Variants in RPIA observed in about 807,000 individuals in gnomAD.
RPIA encodes the protein ribose-5-phosphate isomerase.
In RPIA, 29 loss-of-function variants were observed where a neutral mutation model predicts 37.8. The observed-to-expected ratio is 0.77, with a 90% CI of 0.57 to 1.05. RPIA has a LOEUF of 1.05. Among genes scored for constraint, RPIA ranks in the 50% least tolerant of loss-of-function variants. RPIA has a pLI of 0.00. For missense variants in RPIA, 385 were observed against 413.6 expected, an observed-to-expected ratio of 0.93 and a Z score of 0.60; for synonymous variants, 167 against 157.0, an observed-to-expected ratio of 1.06 and a Z score of -0.48.
In RPIA at chr2:88,750,167, T is replaced by G; in HGVS notation, c.*89T>G. The stretch of plus-strand genomic sequence containing the variant: ...CTCCAGGAGCCTTTGCCTTAATGTA[T>G]CTCTGCCTGGACAACTTGTGGTGGG... On this transcript the variant is annotated 3_prime_UTR_variant, in exon 9 of 9. Transcript: ENST00000283646. 2.4e-6 allele frequency: 2 copies of G among 831,590 alleles called. No homozygotes were observed. Among genetic ancestry groups the G allele is most frequent in the Non-Finnish European group, 4.0e-6 (2 of 500,342 alleles). The allele number at this position is 831,590 out of a possible 1,614,324, so 51.5% of individuals were successfully genotyped here.
intron 4 of RPIA, 26 bp downstream of exon 4, chr2:88,729,363 C>G: frequency 6.2e-7 from 1 of 1,606,458 alleles, no homozygotes; most frequent in Non-Finnish European, 8.5e-7. Flanking sequence ...AGAGGCAGAC[C>G]ACTGCGTATT....
At chr2:88,723,017 CCT>C (rs1192301961) in intron 3 of RPIA, among the ~76,000 whole-genome samples, 1 of 151,910 alleles carries the variant, frequency 6.6e-6, no homozygotes, top group African/African-American at 2.4e-5. Flanking sequence ...TTTATTTTTC[CCT>C]CTTTTGCAGC....
At chr2:88,738,818 G>C (rs1261982073) in intron 8 of RPIA, among the ~76,000 whole-genome samples, 2 of 152,162 alleles carry the variant, frequency 1.3e-5, no homozygotes, top group Non-Finnish European at 2.9e-5. Flanking sequence ...TAGTTACAGA[G>C]GAGGGCACTG....
In RPIA at chr2:88,744,603, C is replaced by T. The variant is rs1433741285; in HGVS notation, c.839-5378C>T. Among the ~76,000 whole-genome samples, 7 of 152,130 alleles carry T rather than the reference C, an allele frequency of 4.6e-5. No homozygotes were observed. The East Asian group carries it at 5.8e-4, about 13-fold the overall frequency. On this transcript the variant is annotated intron_variant, in intron 8 of 8. Transcript: ENST00000283646. ...TGCTGTCAGTGGAGTACTTAAGTCT[C>T]CCACTATTATTGTATTGCCATCTAT... is the stretch of plus-strand genomic sequence containing the variant.
chr2:88,727,212 G>A (rs187197057), intron 3 of RPIA, among the ~76,000 whole-genome samples: 1 of 152,206 alleles, frequency 6.6e-6, no homozygotes, highest in Admixed American at 6.5e-5. Flanking sequence ...TCTCAGAAGT[G>A]TCATATCATC....
intron 5 of RPIA, among the ~76,000 whole-genome samples, 157 bp downstream of exon 5, chr2:88,734,773 A>G (rs543524137): frequency 2.0e-5 from 3 of 152,278 alleles, no homozygotes; most frequent in African/African-American, 7.2e-5. Context: ...CCAACTCAGC[A>G]TTTCTGGTCA....
chr2:88,710,038 G>A (rs1215501417), intron 3 of RPIA, among the ~76,000 whole-genome samples: 1 of 152,016 alleles, frequency 6.6e-6, no homozygotes, highest in Non-Finnish European at 1.5e-5. Flanking sequence ...ATCTGATCTG[G>A]GCAAGGCAGT....
At chr2:88,699,740 T>G (rs1378467533) in intron 2 of RPIA, among the ~76,000 whole-genome samples, 5 of 152,206 alleles carry the variant, frequency 3.3e-5, no homozygotes, top group African/African-American at 1.2e-4. Flanking sequence ...ACAAAGTTCT[T>G]AGAATATTGT....
rs373335890 is a variant in RPIA at position 88,735,740 on chromosome 2, A to G, written c.596+3A>G. 3.7e-6 allele frequency: 6 copies of G among 1,613,700 alleles called. No individual in the cohort carries two copies. The highest frequency in any genetic ancestry group is 1.3e-5 in the African/African-American group (1 of 74,880). Reference sequence around the variant, plus strand: ...TTCATCGTGATCGCTGATTTCAGGTACAGTTTCTGGTGTCTGAGCTGCCAA... The same window carrying G: ...TTCATCGTGATCGCTGATTTCAGGTGCAGTTTCTGGTGTCTGAGCTGCCAA... On this transcript the variant is annotated splice_donor_region_variant and intron_variant, in intron 6 of 8. Coordinates refer to ENST00000283646, the MANE Select transcript of RPIA (RefSeq NM_144563.3).
chr2:88,710,055 G>GT (rs888462779), intron 3 of RPIA, among the ~76,000 whole-genome samples: 27 of 150,758 alleles, frequency 1.8e-4, no homozygotes, highest in South Asian at 6.3e-4. Context: ...CAGTTCTTTT[G>GT]TTTTTTTTTG....
intron 8 of RPIA, among the ~76,000 whole-genome samples, chr2:88,739,189 C>G (rs1274363489): frequency 6.6e-6 from 1 of 152,204 alleles, no homozygotes; most frequent in Admixed American, 6.5e-5. Context: ...TAGGATATTG[C>G]GAGACTAAGA....
intron 3 of RPIA, among the ~76,000 whole-genome samples, chr2:88,726,387 C>A (rs1454211634): frequency 6.6e-6 from 1 of 151,740 alleles, no homozygotes; most frequent in Non-Finnish European, 1.5e-5. Flanking sequence ...TTAAGCTCAC[C>A]AGCTATTGAT....
At chr2:88,719,249 T>C (rs541762407) in intron 3 of RPIA, among the ~76,000 whole-genome samples, 1 of 152,292 alleles carries the variant, frequency 6.6e-6, no homozygotes, top group South Asian at 2.1e-4. Context: ...CTGTAGCACA[T>C]AGTAATTTAA....
At chr2:88,692,027 G>C (rs1038634095) in intron 1 of RPIA, 44 bp downstream of exon 1, 4 of 1,541,638 alleles carry the variant, frequency 2.6e-6, no homozygotes, top group Non-Finnish European at 3.5e-6. Context: ...TGTCCTTGGC[G>C]TGATGGGCTA....
At chr2:88,713,459 G>T (rs1477196224) in intron 3 of RPIA, among the ~76,000 whole-genome samples, 1 of 152,094 alleles carries the variant, frequency 6.6e-6, no homozygotes, top group African/African-American at 2.4e-5. Context: ...TGAGGAGGTA[G>T]ATACCCTTCT....
In RPIA at chr2:88,698,552, C is replaced by T; in HGVS notation, c.346+8C>T. On this transcript the variant is annotated splice_region_variant and intron_variant, in intron 2 of 8. Transcript: ENST00000283646. ...ATGCTGTGCAGCGAATAGGTATGCT[C>T]TCTCACTGTCTACTGGATGTTTTGT... 5 of 1,611,100 alleles carry T rather than the reference C, an allele frequency of 3.1e-6. No individual in the cohort carries two copies. Among genetic ancestry groups the T allele is most frequent in the Non-Finnish European group, 4.2e-6 (5 of 1,177,258 alleles).
intron 3 of RPIA, among the ~76,000 whole-genome samples, chr2:88,703,432 A>G (rs979714927): frequency 3.3e-5 from 5 of 152,212 alleles, no homozygotes; most frequent in African/African-American, 1.2e-4. Flanking sequence ...AGAGGTTCCC[A>G]AACCTCAATT....
chr2:88,696,539 T>C (rs550131723), intron 1 of RPIA, among the ~76,000 whole-genome samples: 1 of 152,036 alleles, frequency 6.6e-6, no homozygotes, highest in Non-Finnish European at 1.5e-5. Flanking sequence ...TAAACATATA[T>C]ACAAGATATA....
intron 1 of RPIA, among the ~76,000 whole-genome samples, chr2:88,692,476 A>G (rs1447217343): frequency 1.3e-5 from 2 of 152,194 alleles, no homozygotes; most frequent in Non-Finnish European, 2.9e-5. Flanking sequence ...CTTGGAGGGA[A>G]GGGAAGACCC....
Sources: gnomAD v4.1 joint callset for allele counts (sites outside exome capture counted in the v4.1 genomes callset) on GRCh38, gnomAD v4.1.1 for gene constraint, MANE v1.5 for transcripts, NCBI Gene and HGNC (gene_info 2026-07-23, HGNC 2026-07-21) for gene names.